Variants in GRIK4 observed in about 807,000 individuals in gnomAD.
GRIK4 encodes glutamate receptor ionotropic, kainate 4.
Under a neutral mutation model 104.9 loss-of-function variants are expected in GRIK4, and 40 were observed. That is an observed-to-expected ratio of 0.38 (90% CI 0.30 to 0.50). The LOEUF is 0.50. Ranked by LOEUF, GRIK4 falls within the 20% of genes least tolerant of loss-of-function variation. The pLI is 0.93. For missense variants in GRIK4, 1,047 were observed against 1,308.1 expected (o/e 0.80, Z 3.08); for synonymous variants, 485 against 524.9 (o/e 0.92, Z 1.04).
intron 3 of GRIK4, among the ~76,000 whole-genome samples, chr11:120,743,296 A>G (rs1951373257): frequency 6.6e-6 from 1 of 152,098 alleles, no homozygotes; most frequent in South Asian, 2.1e-4. Flanking sequence ...ACTGGAGGCC[A>G]TTATGCTCAG....
At chr11:120,741,014 T>C (rs1320288816) in intron 3 of GRIK4, among the ~76,000 whole-genome samples, 1 of 152,036 alleles carries the variant, frequency 6.6e-6, no homozygotes, top group African/African-American at 2.4e-5. Flanking sequence ...AGTAAAGCTG[T>C]GGATAGTGTG....
At position 120,986,169 on chromosome 11, in the gene GRIK4, G is replaced by T; in HGVS notation, c.2780G>T (p.Arg927Leu). The T allele has an allele frequency of 6.4e-7, 1 of 1,553,020 alleles. No homozygotes were observed. Residue 927 changes from arginine (R) to leucine (L), a missense_variant, in exon 21 of 21, where the codon CGC (arginine) becomes CTC (leucine). This residue lies in a region of GRIK4 where 160 missense variants were observed against 140.9 expected (regional missense o/e 1.14). Coordinates refer to ENST00000527524, the MANE Select transcript of GRIK4 (RefSeq NM_014619.5). ...THIRVCPECR[R>L]FQGLRARPSP... is the part of the protein sequence containing the mutation. ...ATCCGCGTCTGCCCCGAGTGCCGCC[G>T]CTTCCAGGGCCTGCGGGCACGGCCG...
chr11:120,853,734 C>A (rs947693467), intron 8 of GRIK4, among the ~76,000 whole-genome samples: 1 of 152,214 alleles, frequency 6.6e-6, no homozygotes, highest in Non-Finnish European at 1.5e-5. Flanking sequence ...TTAAGGATAT[C>A]TTCCTCCTTT....
At chr11:120,620,760 CT>C (rs1186283592) in intron 1 of GRIK4, among the ~76,000 whole-genome samples, 1 of 152,220 alleles carries the variant, frequency 6.6e-6, no homozygotes, top group Non-Finnish European at 1.5e-5. Flanking sequence ...ACTAGTACTG[CT>C]ACCACCCCCA....
At chr11:120,985,643 GT>G (rs1944729703) in intron 20 of GRIK4, among the ~76,000 whole-genome samples, 1 of 78,788 alleles carries the variant, frequency 1.3e-5, no homozygotes, top group African/African-American at 4.9e-5. Context: ...AAAAAAAAAA[GT>G]GAGATCATTG....
Position 120,644,690 on chromosome 11 carries a change from C to T in GRIK4, c.-158-8995C>T, listed in dbSNP as rs755685989. ...GCTGTGAAGTCACTGCTCAGGTCACCGGTGAACCTTCCAGTAGAAGGGGAG... is the reference window on the plus strand; with the variant it reads ...GCTGTGAAGTCACTGCTCAGGTCACTGGTGAACCTTCCAGTAGAAGGGGAG... On this transcript the variant is annotated intron_variant, in intron 1 of 20. Coordinates refer to ENST00000527524, the MANE Select transcript of GRIK4 (RefSeq NM_014619.5). Among the ~76,000 whole-genome samples, 69 of 152,258 alleles carry T rather than the reference C, an allele frequency of 4.5e-4. 1 individual carries two copies. The highest frequency in any genetic ancestry group is 1.0e-3 in the African/African-American group (43 of 41,550).
intron 8 of GRIK4, among the ~76,000 whole-genome samples, chr11:120,848,486 T>A (rs542291891): frequency 2.8e-4 from 43 of 152,170 alleles, no homozygotes; most frequent in African/African-American, 9.6e-4. Context: ...GAGGAAAAAG[T>A]GGTATCAGAG....
intron 1 of GRIK4, among the ~76,000 whole-genome samples, chr11:120,584,387 G>A (rs764190000): frequency 2.0e-5 from 3 of 152,204 alleles, no homozygotes; most frequent in Non-Finnish European, 2.9e-5. Context: ...GGCTTTACAG[G>A]AAGCATGGTG....
chr11:120,795,572 G>A (rs2135499955), intron 3 of GRIK4, among the ~76,000 whole-genome samples: 1 of 152,362 alleles, frequency 6.6e-6, no homozygotes. Context: ...CCAGAATTGT[G>A]CAGCTACAGA....
chr11:120,943,759 G>T (rs1218315747), intron 14 of GRIK4, among the ~76,000 whole-genome samples: 1 of 152,214 alleles, frequency 6.6e-6, no homozygotes. Flanking sequence ...ACCAAAAAGT[G>T]AGCATCTGGT....
chr11:120,975,662 G>A (rs1057002184), intron 19 of GRIK4, among the ~76,000 whole-genome samples: 7 of 152,162 alleles, frequency 4.6e-5, no homozygotes, highest in African/African-American at 1.2e-4. Context: ...TAACTCACAC[G>A]TAGACCCCCT....
rs531592082 is a variant in GRIK4 at position 120,686,235 on chromosome 11, C to T, written c.82+25835C>T. ...CCTATCCTGCATTTTTAAAGTGTGA[C>T]TTTACTCATACCCTGCCCTCTGCTT... On this transcript the variant is annotated intron_variant, in intron 3 of 20. Coordinates refer to ENST00000527524, the MANE Select transcript of GRIK4 (RefSeq NM_014619.5). Among the ~76,000 whole-genome samples the T allele has an allele frequency of 1.9e-3, 285 of 152,246 alleles. 1 individual carries two copies. The highest frequency in any genetic ancestry group is 0.01 in the Middle Eastern group (3 of 294).
At chr11:120,583,651 C>T (rs1305371905) in intron 1 of GRIK4, among the ~76,000 whole-genome samples, 1 of 152,162 alleles carries the variant, frequency 6.6e-6, no homozygotes, top group Non-Finnish European at 1.5e-5. Flanking sequence ...TAACAGGATG[C>T]CTCCAGCTTT....
At chr11:120,664,363 A>G (rs911778105) in intron 3 of GRIK4, among the ~76,000 whole-genome samples, 4 of 152,226 alleles carry the variant, frequency 2.6e-5, no homozygotes, top group Non-Finnish European at 5.9e-5. Flanking sequence ...TCATTAATTA[A>G]CTCAACAAAT....
chr11:120,671,164 C>G (rs10892596), intron 3 of GRIK4, among the ~76,000 whole-genome samples: 1 of 152,026 alleles, frequency 6.6e-6, no homozygotes, highest in South Asian at 2.1e-4. Flanking sequence ...AGTAAACTTA[C>G]GTGTCCATAT....
intron 4 of GRIK4, among the ~76,000 whole-genome samples, chr11:120,813,791 C>G (rs1008998808): frequency 6.6e-6 from 1 of 152,108 alleles, no homozygotes; most frequent in African/African-American, 2.4e-5. Context: ...AATTGCTAGG[C>G]CAGGGAAATT....
chr11:120,526,189 C>T (rs1411885002), intron 1 of GRIK4, among the ~76,000 whole-genome samples: 1 of 152,080 alleles, frequency 6.6e-6, no homozygotes, highest in East Asian at 1.9e-4. Flanking sequence ...GAGCTGCACA[C>T]TTATGTGCAC....
chr11:120,660,278 A>T lies in GRIK4; in HGVS notation c.-41A>T. On this transcript the variant is annotated 5_prime_UTR_variant, in exon 3 of 21. It removes an upstream start codon present in the reference 5' UTR. Coordinates refer to ENST00000527524, the MANE Select transcript of GRIK4 (RefSeq NM_014619.5). Reference sequence around the variant, plus strand: ...ACCCCCTCTCTCGCAGAGTTATGTCATGCCCAGGCCAGCAGGGGGCTCCAT... The same window carrying T: ...ACCCCCTCTCTCGCAGAGTTATGTCTTGCCCAGGCCAGCAGGGGGCTCCAT... 1.4e-6 allele frequency: 2 copies of T among 1,467,066 alleles called. No homozygotes were observed. The highest frequency in any genetic ancestry group is 1.9e-6 in the Non-Finnish European group (2 of 1,048,486). The allele number at this position is 1,467,066 out of a possible 1,614,324, so 90.9% of individuals were successfully genotyped here.
intron 3 of GRIK4, among the ~76,000 whole-genome samples, chr11:120,717,647 G>A (rs1414275753): frequency 6.6e-6 from 1 of 152,154 alleles, no homozygotes; most frequent in African/African-American, 2.4e-5. Flanking sequence ...TTACAAGAGG[G>A]GAAATAAGAA....
Sources: gnomAD v4.1 joint callset for allele counts (sites outside exome capture counted in the v4.1 genomes callset) on GRCh38, gnomAD v4.1.1 for gene constraint, gnomAD v4.1.1 regional missense constraint, MANE v1.5 for transcripts, NCBI Gene and HGNC (gene_info 2026-07-23, HGNC 2026-07-21) for gene names.